PDE4D: variants seen among roughly 807,000 people sequenced by gnomAD.
PDE4D encodes phosphodiesterase 4D, also known as 3',5'-cyclic-AMP phosphodiesterase 4D.
A neutral mutation model predicts 87.4 loss-of-function variants in PDE4D; 24 were observed. The observed-to-expected ratio is 0.27, with a 90% CI of 0.20 to 0.39. The LOEUF (loss-of-function observed/expected upper bound fraction) is 0.39, where lower values mean the gene tolerates loss of function less well. Among genes scored for constraint, PDE4D ranks in the 10% least tolerant of loss-of-function variants. The probability of loss-of-function intolerance (pLI) is 1.00; values close to 1 mark genes in which losing one functional copy is unlikely to be tolerated. For missense variants in PDE4D, 714 were observed against 1,041.0 expected (o/e 0.69, Z 4.32); for synonymous variants, 384 against 383.2 (o/e 1.00, Z -0.02).
intron 5 of PDE4D, among the ~76,000 whole-genome samples, chr5:59,132,000 A>G (rs1194688487): frequency 6.6e-6 from 1 of 151,826 alleles, no homozygotes; most frequent in African/African-American, 2.4e-5. Context: ...TCCCACCTTT[A>G]TTTTTTACTT....
At position 59,181,543 on chromosome 5, in the gene PDE4D, G is replaced by GATATATATATATATATATAT. The variant is rs3061466; in HGVS notation, c.759-919_759-900dup. On this transcript the variant is annotated intron_variant, in intron 4 of 14. Coordinates refer to ENST00000340635, the MANE Select transcript of PDE4D (RefSeq NM_001104631.2). The stretch of plus-strand genomic sequence containing the variant: ...CTTTTAGATACATTCAAAGATGTCT[G>GATATATATATATATATATAT]ATATATATATATATATATATATATA... Among the ~76,000 whole-genome samples the GATATATATATATATATATAT allele has an allele frequency of 2.8e-3, 337 of 118,736 alleles. 3 individuals carry two copies. Among genetic ancestry groups the GATATATATATATATATATAT allele is most frequent in the African/African-American group, 9.0e-3 (237 of 26,290 alleles). The allele number at this position is 118,736 out of a possible 152,430, so 77.9% of individuals were successfully genotyped here. A position where few individuals can be genotyped will look rare whatever the true frequency, so the allele number is the denominator to read the frequency against.
chr5:60,422,295 A>G (rs2150090694), intron 1 of PDE4D, among the ~76,000 whole-genome samples: 1 of 152,330 alleles, frequency 6.6e-6, no homozygotes, highest in South Asian at 2.1e-4. Context: ...AGCCAGAGAG[A>G]AAGGTCGGGT....
intron 1 of PDE4D, among the ~76,000 whole-genome samples, chr5:59,590,707 TG>T (rs1262102673): frequency 2.0e-5 from 3 of 152,072 alleles, no homozygotes; most frequent in African/African-American, 7.2e-5. Flanking sequence ...TTTTGTTTTG[TG>T]TTTTTTTTTA....
Position 58,991,973 on chromosome 5 carries a change from TG to T in PDE4D, c.1046del (p.Pro349GlnfsTer22). On this transcript the variant is annotated frameshift_variant, in exon 8 of 15. Coordinates refer to ENST00000340635, the MANE Select transcript of PDE4D (RefSeq NM_001104631.2). LOFTEE classifies it high-confidence loss of function. ...TCTTTTTCTCCTTTTCCTTCTGAGT[TG>T]GAGAAGGAATTTCCACTTCATGTTG... is the stretch of plus-strand genomic sequence containing the variant. ...DKQHEVEIPS[P>X]TQKEKEKKKR... The T allele has an allele frequency of 6.3e-7, 1 of 1,587,766 alleles. No homozygotes were observed. The highest frequency in any genetic ancestry group is 8.6e-7 in the Non-Finnish European group (1 of 1,168,120).
chr5:60,230,959 A>T (rs923636899), intron 1 of PDE4D, among the ~76,000 whole-genome samples: 1 of 152,072 alleles, frequency 6.6e-6, no homozygotes, highest in Non-Finnish European at 1.5e-5. Context: ...CTGATCTCTC[A>T]TTATTCTTAC....
intron 1 of PDE4D, among the ~76,000 whole-genome samples, chr5:59,222,456 TG>T (rs1752767087): frequency 6.6e-6 from 1 of 152,134 alleles, no homozygotes; most frequent in Admixed American, 6.5e-5. Context: ...ACCCCCAGTA[TG>T]AAGCCCAAAG....
intron 1 of PDE4D, among the ~76,000 whole-genome samples, chr5:59,630,653 G>A (rs1472417760): frequency 1.3e-5 from 2 of 152,104 alleles, no homozygotes; most frequent in Non-Finnish European, 2.9e-5. Context: ...TTCTAAATAT[G>A]GCCTGACTCT....
chr5:59,353,136 T>C (rs1414636091), intron 1 of PDE4D, among the ~76,000 whole-genome samples: 1 of 152,136 alleles, frequency 6.6e-6, no homozygotes, highest in Non-Finnish European at 1.5e-5. Flanking sequence ...ACATAAAATG[T>C]TCCTTTTAAC....
rs555806489 is a variant in PDE4D at position 59,111,855 on chromosome 5, T to A, written c.808+68740A>T. Among the ~76,000 whole-genome samples, 6 of 152,340 alleles carry A rather than the reference T, an allele frequency of 3.9e-5. No homozygotes were observed. The South Asian group carries it at 1.2e-3, about 32-fold the overall frequency. ...ATAATTCATTTATTCAAGAATGTAC[T>A]GAGCAACCTAGCATGGCTGAGGCAC... On this transcript the variant is annotated intron_variant, in intron 5 of 14. Coordinates refer to ENST00000340635, the MANE Select transcript of PDE4D (RefSeq NM_001104631.2).
In PDE4D at chr5:59,802,240, A is replaced by ATT. The variant is rs59251157; in HGVS notation, c.455+90926_455+90927dup. 8.0e-4 allele frequency among the ~76,000 whole-genome samples: 120 copies of ATT among 150,186 alleles called. 1 individual carries two copies. In the Middle Eastern group the frequency reaches 0.01, roughly 13 times the overall value. ...TTTGTTTTGTTTTGTTTTTGTTTTC[A>ATT]TTTTTTTTTTAAAGTTCTCTAGGTG... On this transcript the variant is annotated intron_variant, in intron 1 of 14. Transcript: ENST00000340635.
intron 1 of PDE4D, among the ~76,000 whole-genome samples, chr5:60,211,280 C>T (rs889484597): frequency 6.6e-6 from 1 of 152,118 alleles, no homozygotes; most frequent in South Asian, 2.1e-4. Flanking sequence ...GGACTTTAAC[C>T]AGTTCCCAGG....
chr5:60,396,100 A>G (rs1485526203), intron 1 of PDE4D, among the ~76,000 whole-genome samples: 1 of 152,226 alleles, frequency 6.6e-6, no homozygotes, highest in Admixed American at 6.5e-5. Flanking sequence ...ACAGGGCTAC[A>G]TCCACCCAAA....
At chr5:59,689,468 G>A (rs1750518986) in intron 1 of PDE4D, among the ~76,000 whole-genome samples, 2 of 152,012 alleles carry the variant, frequency 1.3e-5, no homozygotes. Context: ...AAAGACAAAA[G>A]CCACATGATT....
chr5:59,356,163 C>T (rs1200679902), intron 1 of PDE4D, among the ~76,000 whole-genome samples: 1 of 151,998 alleles, frequency 6.6e-6, no homozygotes, highest in Non-Finnish European at 1.5e-5. Context: ...TCTTTCTTTC[C>T]AGTTATTTGG....
chr5:59,764,309 G>C (rs1044137269), intron 1 of PDE4D, among the ~76,000 whole-genome samples: 22 of 152,110 alleles, frequency 1.4e-4, no homozygotes, highest in Non-Finnish European at 1.8e-4. Flanking sequence ...TAAGGGTCCA[G>C]CCCTGTGAAA....
chr5:59,200,872 T>C (rs879749370), intron 2 of PDE4D, among the ~76,000 whole-genome samples: 17 of 152,018 alleles, frequency 1.1e-4, no homozygotes, highest in Admixed American at 3.3e-4. Flanking sequence ...GTATGCAATA[T>C]AGTATGTGAC....
At chr5:60,239,818 C>T (rs1746873711) in intron 1 of PDE4D, among the ~76,000 whole-genome samples, 1 of 152,000 alleles carries the variant, frequency 6.6e-6, no homozygotes, top group Non-Finnish European at 1.5e-5. Context: ...TTATATCTAG[C>T]AATTTTCCTG....
intron 1 of PDE4D, among the ~76,000 whole-genome samples, chr5:60,410,754 C>T (rs1351477512): frequency 6.6e-6 from 1 of 152,182 alleles, no homozygotes; most frequent in Non-Finnish European, 1.5e-5. Flanking sequence ...AGTAACAGAA[C>T]TGTCAAAGAT....
chr5:59,967,433 C>T (rs138131972), intron 3 of PDE4D, among the ~76,000 whole-genome samples: 246 of 152,024 alleles, frequency 1.6e-3, no homozygotes, highest in African/African-American at 5.7e-3. Flanking sequence ...AACACATAAC[C>T]CCATTAAAAA....
Sources: allele counts gnomAD v4.1 joint callset (sites outside exome capture counted in the v4.1 genomes callset), GRCh38; gene constraint gnomAD v4.1.1; transcripts MANE v1.5; gene names NCBI Gene and HGNC (gene_info 2026-07-23, HGNC 2026-07-21).